WIPI2: variants seen among roughly 807,000 people sequenced by gnomAD.
WIPI2 encodes the protein WD repeat domain, phosphoinositide interacting 2, also known as WD repeat domain phosphoinositide-interacting protein 2.
WIPI2 carries 28 observed loss-of-function variants against 52.3 expected under a neutral mutation model. The ratio of observed to expected loss-of-function variants is 0.54; its 90% CI spans 0.40 to 0.73. The LOEUF is 0.73. Among genes scored for constraint, WIPI2 ranks in the 30% least tolerant of loss-of-function variants. The probability of loss-of-function intolerance (pLI) is 0.00; values close to 1 mark genes in which losing one functional copy is unlikely to be tolerated. For missense variants in WIPI2, 506 were observed against 602.9 expected (o/e 0.84, Z 1.68); for synonymous variants, 268 against 245.0 (o/e 1.09, Z -0.88).
chr7:5,223,986 T>C (rs951252189), intron 8 of WIPI2, among the ~76,000 whole-genome samples: 1 of 152,342 alleles, frequency 6.6e-6, no homozygotes, highest in Non-Finnish European at 1.5e-5. Flanking sequence ...TTCTTCAGAC[T>C]CTCACCCAGG....
In WIPI2 at chr7:5,192,575, A is replaced by G. The variant is rs868522990; in HGVS notation, c.75-543A>G. On this transcript the variant is annotated intron_variant, in intron 1 of 12. Coordinates refer to ENST00000288828, the MANE Select transcript of WIPI2 (RefSeq NM_015610.4). Reference sequence around the variant, plus strand: ...CTTCTCCATGCTCCCCGAAGTTATTACAGTTCAAGAGATTTCTGTTACTTT... The same window carrying G: ...CTTCTCCATGCTCCCCGAAGTTATTGCAGTTCAAGAGATTTCTGTTACTTT... Among the ~76,000 whole-genome samples, 12 of 152,332 alleles carry G rather than the reference A, an allele frequency of 7.9e-5. No individual in the cohort carries two copies. In the South Asian group the frequency reaches 1.0e-3, roughly 13 times the overall value.
chr7:5,216,850 C>G (rs988384529), intron 5 of WIPI2, 191 bp downstream of exon 5: 49 of 702,264 alleles, frequency 7.0e-5, no homozygotes, highest in Admixed American at 1.2e-4. Flanking sequence ...GTTTGATCAA[C>G]TTTCAAGTTT....
At chr7:5,217,604 C>T (rs753598561) in intron 6 of WIPI2, 7 of 425,650 alleles carry the variant, frequency 1.6e-5, no homozygotes, top group African/African-American at 4.0e-5. Flanking sequence ...CCCCACTGCT[C>T]TCTTCTCAGT....
In WIPI2 at chr7:5,203,663, C is replaced by T. The variant is rs1004838543; in HGVS notation, c.211+4005C>T. Among the ~76,000 whole-genome samples the T allele has an allele frequency of 5.7e-4, 72 of 125,412 alleles. 1 individual carries two copies. Among genetic ancestry groups the T allele is most frequent in the Middle Eastern group, 5.9e-3 (1 of 170 alleles). 82.3% of individuals were successfully genotyped at this position (125,412 alleles called of 152,430 possible). A position where few individuals can be genotyped will look rare whatever the true frequency, so the allele number is the denominator to read the frequency against. On this transcript the variant is annotated intron_variant, in intron 3 of 12. Coordinates refer to ENST00000288828, the MANE Select transcript of WIPI2 (RefSeq NM_015610.4). The stretch of plus-strand genomic sequence containing the variant: ...TTTTTTTTTTTTTGAGACGGAGTGT[C>T]GCTCTGTAGCCCAGGCTGGAGTGTA...
chr7:5,213,545 C>T (rs1782662605), intron 3 of WIPI2: 1 of 152,300 alleles, frequency 6.6e-6, no homozygotes, highest in African/African-American at 2.4e-5. Context: ...CAGTTAGTCA[C>T]ACGCAGCGCA....
At chr7:5,204,370 G>A (rs531530851) in intron 3 of WIPI2, among the ~76,000 whole-genome samples, 1 of 152,242 alleles carries the variant, frequency 6.6e-6, no homozygotes, top group Admixed American at 6.5e-5. Context: ...TGCAGGCTGA[G>A]GTAGGAGAAT....
chr7:5,212,142 G>C (rs567389575), intron 3 of WIPI2, among the ~76,000 whole-genome samples: 1 of 152,262 alleles, frequency 6.6e-6, no homozygotes, highest in East Asian at 1.9e-4. Context: ...CATTCCATCC[G>C]TTCAGCCAGT....
chr7:5,232,363 G>A lies in WIPI2; in HGVS notation c.*1416G>A. ...CGGTGAAATGCCCCAGTGTTCCTGGGTTGGCTTTACGGCAAACTAAATGCA... is the reference window on the plus strand; with the variant it reads ...CGGTGAAATGCCCCAGTGTTCCTGGATTGGCTTTACGGCAAACTAAATGCA... On this transcript the variant is annotated 3_prime_UTR_variant, in exon 13 of 13. Transcript: ENST00000288828. 1 of 398,636 alleles carries A rather than the reference G, an allele frequency of 2.5e-6. No homozygotes were observed. Among genetic ancestry groups the A allele is most frequent in the South Asian group, 1.3e-4 (1 of 7,824 alleles). 24.7% of individuals were successfully genotyped at this position (398,636 alleles called of 1,614,324 possible).
rs141978944 is a variant in WIPI2 at position 5,207,062 on chromosome 7, C to T, written c.211+7404C>T. Reference sequence around the variant, plus strand: ...AGTGCTGAGATTACAGACAAACCACCACACCTGGCTTTATTTTGTGTGTGT... The same window carrying T: ...AGTGCTGAGATTACAGACAAACCACTACACCTGGCTTTATTTTGTGTGTGT... On this transcript the variant is annotated intron_variant, in intron 3 of 12. Transcript: ENST00000288828. 2.6e-3 allele frequency among the ~76,000 whole-genome samples: 391 copies of T among 150,666 alleles called. 2 individuals are homozygous for T. The highest frequency in any genetic ancestry group is 9.1e-3 in the African/African-American group (371 of 40,948).
intron 4 of WIPI2, 82 bp downstream of exon 4, chr7:5,214,786 C>G: frequency 6.7e-7 from 1 of 1,501,736 alleles, no homozygotes; most frequent in East Asian, 2.3e-5. Context: ...CCGGCATGCC[C>G]CTCCGTCATT....
At position 5,227,273 on chromosome 7, in the gene WIPI2, C is replaced by G; in HGVS notation, c.942C>G (p.Phe314Leu). The G allele has an allele frequency of 6.2e-7, 1 of 1,613,762 alleles. No individual in the cohort carries two copies. The highest frequency in any genetic ancestry group is 8.5e-7 in the Non-Finnish European group (1 of 1,180,032). ...SYLPSQVTEM[F>L]NQGRAFATVR... The stretch of plus-strand genomic sequence containing the variant: ...TGCCTTCCCAAGTGACAGAAATGTT[C>G]AACCAGGGCAGAGCCTTCGCCACGG... Residue 314 changes from phenylalanine (F) to leucine (L), a missense_variant, in exon 10 of 13, where the codon TTC becomes TTG. Coordinates refer to ENST00000288828, the MANE Select transcript of WIPI2 (RefSeq NM_015610.4). This position sits in a 1 kb window ranked among gnomAD's most constrained non-coding sequence, Gnocchi z 8.1.
chr7:5,231,820 G>C lies in WIPI2; in HGVS notation c.*873G>C. The C allele has an allele frequency of 5.0e-6, 1 of 199,530 alleles. No homozygotes were observed. Among genetic ancestry groups the C allele is most frequent in the Non-Finnish European group, 1.0e-5 (1 of 99,630 alleles). The allele number at this position is 199,530 out of a possible 1,614,324, so 12.4% of individuals were successfully genotyped here. On this transcript the variant is annotated 3_prime_UTR_variant, in exon 13 of 13. Coordinates refer to ENST00000288828, the MANE Select transcript of WIPI2 (RefSeq NM_015610.4). ...GGAAAGCACAGAACTCAAGTGTGGT[G>C]GCCGTCTGAGCTGTCCTTTCGCTGG...
At position 5,214,717 on chromosome 7, in the gene WIPI2, C is replaced by A; in HGVS notation, c.381+13C>A. 6.2e-7 allele frequency: 1 copy of A among 1,613,040 alleles called. No homozygotes were observed. The highest frequency in any genetic ancestry group is 1.7e-5 in the Admixed American group (1 of 60,030). On this transcript the variant is annotated intron_variant, in intron 4 of 12. Transcript: ENST00000288828. ...GCTCAACAGGCAGGTGAGCGCTGCCCCAGCTGGGTGTGGGCTTGTCTGTTG... is the reference window on the plus strand; with the variant it reads ...GCTCAACAGGCAGGTGAGCGCTGCCACAGCTGGGTGTGGGCTTGTCTGTTG...
rs1783675002 is a variant in WIPI2 at position 5,230,362 on chromosome 7, C to T, written c.1253-473C>T. On this transcript the variant is annotated intron_variant, in intron 12 of 12. Coordinates refer to ENST00000288828, the MANE Select transcript of WIPI2 (RefSeq NM_015610.4). The surrounding 1 kb of genome is among the most constrained non-coding windows in gnomAD (Gnocchi z 4.8). Reference sequence around the variant, plus strand: ...ATGCATGAGATCCTCCAGCCACAGCCTTGGCTATGTGAGCCACCTTCTTAA... The same window carrying T: ...ATGCATGAGATCCTCCAGCCACAGCTTTGGCTATGTGAGCCACCTTCTTAA... 6.6e-6 allele frequency among the ~76,000 whole-genome samples: 1 copy of T among 152,222 alleles called. No homozygotes were observed. The highest frequency in any genetic ancestry group is 2.1e-4 in the South Asian group (1 of 4,828).
chr7:5,228,032 G>A, intron 10 of WIPI2, 72 bp from the exon 11 acceptor site: 2 of 1,481,052 alleles, frequency 1.4e-6, no homozygotes, highest in South Asian at 2.3e-5. Flanking sequence ...CCTGCCAAAA[G>A]TGAGGCCGCC....
chr7:5,192,642 G>A (rs905821948), intron 1 of WIPI2, among the ~76,000 whole-genome samples: 2 of 152,212 alleles, frequency 1.3e-5, no homozygotes, highest in African/African-American at 2.4e-5. Context: ...CCTTGATGTA[G>A]TGTAAACCTA....
At chr7:5,198,529 G>C (rs996526142) in intron 2 of WIPI2, among the ~76,000 whole-genome samples, 6 of 152,122 alleles carry the variant, frequency 3.9e-5, no homozygotes, top group African/African-American at 1.4e-4. Flanking sequence ...GGCCAGGCAG[G>C]TCTCAAATTC....
intron 3 of WIPI2, among the ~76,000 whole-genome samples, chr7:5,212,859 C>G (rs866789080): frequency 7.2e-5 from 11 of 152,218 alleles, no homozygotes; most frequent in African/African-American, 1.2e-4. Flanking sequence ...GCAGGGCTGC[C>G]GTGACTTAGT....
chr7:5,230,886 C>T lies in WIPI2; in HGVS notation c.1304C>T (p.Ala435Val). 6.2e-7 allele frequency: 1 copy of T among 1,613,806 alleles called. No homozygotes were observed. Among genetic ancestry groups the T allele is most frequent in the Non-Finnish European group, 8.5e-7 (1 of 1,179,850 alleles). Residue 435 changes from alanine to valine, a missense_variant, in exon 13 of 13, where the codon GCC becomes GTC. Physicochemically the swap from Ala to Val is moderately conservative, Grantham distance 64. This residue lies in a region of WIPI2 where 194 missense variants were observed against 175.1 expected (regional missense o/e 1.11). Coordinates refer to ENST00000288828, the MANE Select transcript of WIPI2 (RefSeq NM_015610.4). This position sits in a 1 kb window ranked among gnomAD's most constrained non-coding sequence, Gnocchi z 4.8. ...GGTGGCGCCTGCCTGGAGGACGAGG[C>T]CAGCGCCCTGCGCCTGGATGAGGAC... is the stretch of plus-strand genomic sequence containing the variant. ...AVGGACLEDEASALRLDEDSE... is the reference protein window; with the variant it reads ...AVGGACLEDEVSALRLDEDSE...
Sources: gnomAD v4.1 joint callset for allele counts (sites outside exome capture counted in the v4.1 genomes callset) on GRCh38, gnomAD v4.1.1 for gene constraint, gnomAD v4.1.1 regional missense constraint, Gnocchi (gnomAD v3.1) non-coding constraint, MANE v1.5 for transcripts, NCBI Gene and HGNC (gene_info 2026-07-23, HGNC 2026-07-21) for gene names.